RGS17: variants seen among roughly 807,000 people sequenced by gnomAD.
RGS17 encodes the protein regulator of G protein signaling 17.
A neutral mutation model predicts 25.5 loss-of-function variants in RGS17; 12 were observed. The ratio of observed to expected loss-of-function variants is 0.47; its 90% CI spans 0.30 to 0.76. The LOEUF is 0.76. Among genes scored for constraint, RGS17 ranks in the 30% least tolerant of loss-of-function variants. The pLI is 0.07. For synonymous variants in RGS17, 71 were observed against 76.9 expected (o/e 0.92, Z 0.40); for missense variants, 196 against 242.2 (o/e 0.81, Z 1.27).
chr6:153,118,481 C>T (rs551358699), intron 1 of RGS17, among the ~76,000 whole-genome samples: 33 of 152,274 alleles, frequency 2.2e-4, no homozygotes, highest in Non-Finnish European at 3.4e-4. Flanking sequence ...TGTTTTCCTT[C>T]GTTAACCAAT....
At chr6:153,029,684 G>A (rs920399131) in intron 2 of RGS17, among the ~76,000 whole-genome samples, 3 of 151,518 alleles carry the variant, frequency 2.0e-5, no homozygotes, top group Non-Finnish European at 2.9e-5. Context: ...TCCGCCTCCC[G>A]GGTTCAAGTG....
At position 153,006,295 on chromosome 6, in the gene RGS17, A is replaced by T. The variant is rs1463767473; in HGVS notation, c.*5279T>A. The T allele has an allele frequency of 7.2e-5, 11 of 152,422 alleles. No individual in the cohort carries two copies. Among genetic ancestry groups the T allele is most frequent in the African/African-American group, 2.7e-4 (11 of 41,436 alleles). 9.4% of individuals were successfully genotyped at this position (152,422 alleles called of 1,614,324 possible). On this transcript the variant is annotated 3_prime_UTR_variant, in exon 5 of 5. Coordinates refer to ENST00000206262, the MANE Select transcript of RGS17 (RefSeq NM_012419.5). Reference sequence around the variant, plus strand: ...CTATAACTCATTTATATATTTAGCAAGTAATTTGATATTATTTCTGTCCTT... The same window carrying T: ...CTATAACTCATTTATATATTTAGCATGTAATTTGATATTATTTCTGTCCTT...
chr6:153,024,211 C>CG, intron 4 of RGS17, 51 bp downstream of exon 4: 1 of 1,255,684 alleles, frequency 8.0e-7, no homozygotes, highest in Non-Finnish European at 1.1e-6. Flanking sequence ...CATCCCTTGA[C>CG]GGTTATCCTT....
chr6:153,121,736 T>C (rs887557201), intron 1 of RGS17, among the ~76,000 whole-genome samples: 6 of 152,212 alleles, frequency 3.9e-5, no homozygotes, highest in Non-Finnish European at 5.9e-5. Flanking sequence ...CTCGAAATAG[T>C]TGCATTTAGA....
intron 1 of RGS17, among the ~76,000 whole-genome samples, chr6:153,084,520 C>T (rs1290648034): frequency 6.6e-6 from 1 of 152,024 alleles, no homozygotes; most frequent in African/African-American, 2.4e-5. Context: ...AGCCACTTGG[C>T]TTAAATGACT....
chr6:153,010,679 TA>T lies in RGS17; in HGVS notation c.*894del, dbSNP rs1355058004. On this transcript the variant is annotated 3_prime_UTR_variant, in exon 5 of 5. Coordinates refer to ENST00000206262, the MANE Select transcript of RGS17 (RefSeq NM_012419.5). ...AAAACTAAGTTATCAAGCTTATTATTATTTTTTTCTTGCTGAAGTACATAAC... is the reference window on the plus strand; with the variant it reads ...AAAACTAAGTTATCAAGCTTATTATTTTTTTTTCTTGCTGAAGTACATAAC... The T allele has an allele frequency of 4.6e-5, 7 of 152,068 alleles. No individual in the cohort carries two copies. The highest frequency in any genetic ancestry group is 7.2e-5 in the African/African-American group (3 of 41,456). The allele number at this position is 152,068 out of a possible 1,614,324, so 9.4% of individuals were successfully genotyped here.
chr6:153,024,330 T>G lies in RGS17; in HGVS notation c.376A>C (p.Lys126Gln). ...ACEDLKKEQN[K>Q]KVIEEKARMI... ...CTAGCCTTTTCTTCAATTACTTTTTTGTTCTGCTCCTTCTTTAAGTCTTCA... is the reference window on the plus strand; with the variant it reads ...CTAGCCTTTTCTTCAATTACTTTTTGGTTCTGCTCCTTCTTTAAGTCTTCA... Residue 126 changes from lysine to glutamine, a missense_variant, in exon 4 of 5, where the codon AAA (lysine) becomes CAA (glutamine). This residue lies in a region of RGS17 where 179 missense variants were observed against 197.6 expected (regional missense o/e 0.91). Coordinates refer to ENST00000206262, the MANE Select transcript of RGS17 (RefSeq NM_012419.5). The G allele has an allele frequency of 6.2e-7, 1 of 1,614,112 alleles. No individual in the cohort carries two copies.
chr6:153,053,944 A>T lies in RGS17; in HGVS notation c.-25-9901T>A, dbSNP rs1171980447. Reference sequence around the variant, plus strand: ...ATATATGTATATATATGTATATATAATATATATACATATATATTATATACA... The same window carrying T: ...ATATATGTATATATATGTATATATATTATATATACATATATATTATATACA... On this transcript the variant is annotated intron_variant, in intron 1 of 4. Coordinates refer to ENST00000206262, the MANE Select transcript of RGS17 (RefSeq NM_012419.5). Among the ~76,000 whole-genome samples the T allele has an allele frequency of 3.4e-3, 126 of 37,442 alleles. 13 individuals are homozygous for T. Among genetic ancestry groups the T allele is most frequent in the East Asian group, 6.8e-3 (6 of 884 alleles). 24.6% of individuals were successfully genotyped at this position (37,442 alleles called of 152,430 possible).
intron 1 of RGS17, among the ~76,000 whole-genome samples, chr6:153,067,868 A>AAG (rs1776732155): frequency 1.3e-5 from 2 of 152,196 alleles, no homozygotes; most frequent in Admixed American, 1.3e-4. Flanking sequence ...CCTGAGCAAA[A>AAG]AGAAAAACTG....
Position 153,010,145 on chromosome 6 carries a change from A to G in RGS17, c.*1429T>C, listed in dbSNP as rs1248680974. The G allele has an allele frequency of 2.6e-5, 4 of 151,936 alleles. No individual in the cohort carries two copies. Among genetic ancestry groups the G allele is most frequent in the African/African-American group, 9.7e-5 (4 of 41,428 alleles). 9.4% of individuals were successfully genotyped at this position (151,936 alleles called of 1,614,324 possible). A position where few individuals can be genotyped will look rare whatever the true frequency, so the allele number is the denominator to read the frequency against. ...CTTTTTAAAACTTTCATTTTAGGTT[A>G]CTCAGTATTATATTCATTCAGTTTA... On this transcript the variant is annotated 3_prime_UTR_variant, in exon 5 of 5. Coordinates refer to ENST00000206262, the MANE Select transcript of RGS17 (RefSeq NM_012419.5).
At position 153,013,468 on chromosome 6, in the gene RGS17, G is replaced by T. The variant is rs1289870791; in HGVS notation, c.445-1706C>A. On this transcript the variant is annotated intron_variant, in intron 4 of 4. Transcript: ENST00000206262. ...TAGGCCAGTTAATAACCCGCCAGTG[G>T]CCTCTAAGTGTTTAAGTGAAAGGAA... 3.3e-5 allele frequency among the ~76,000 whole-genome samples: 5 copies of T among 152,044 alleles called. No individual in the cohort carries two copies. In the East Asian group the frequency reaches 9.6e-4, roughly 29 times the overall value.
At chr6:153,122,058 T>C (rs528161801) in intron 1 of RGS17, among the ~76,000 whole-genome samples, 1 of 152,324 alleles carries the variant, frequency 6.6e-6, no homozygotes, top group African/African-American at 2.4e-5. Context: ...TTGAATGATA[T>C]TATACTTTAA....
At chr6:153,072,030 T>A (rs892626671) in intron 1 of RGS17, among the ~76,000 whole-genome samples, 1 of 152,144 alleles carries the variant, frequency 6.6e-6, no homozygotes, top group Non-Finnish European at 1.5e-5. Flanking sequence ...AGTCTCCTTA[T>A]TTTTATACTT....
intron 2 of RGS17, among the ~76,000 whole-genome samples, chr6:153,041,007 A>AT (rs1776315107): frequency 6.6e-6 from 1 of 150,908 alleles, no homozygotes; most frequent in African/African-American, 2.4e-5. Flanking sequence ...AAAAAAAAAA[A>AT]AAAAAAAATT....
intron 1 of RGS17, among the ~76,000 whole-genome samples, chr6:153,075,210 A>G (rs1224982017): frequency 6.6e-6 from 1 of 152,218 alleles, no homozygotes; most frequent in African/African-American, 2.4e-5. Flanking sequence ...AATCCTAGCA[A>G]CTTGATAAAG....
chr6:153,020,981 A>G (rs1779242587), intron 4 of RGS17, among the ~76,000 whole-genome samples: 2 of 152,222 alleles, frequency 1.3e-5, no homozygotes, highest in South Asian at 4.1e-4. Flanking sequence ...AGTAGCACAA[A>G]TACTCTGAAT....
chr6:153,042,259 T>A (rs1180200015), intron 2 of RGS17, among the ~76,000 whole-genome samples: 1 of 152,214 alleles, frequency 6.6e-6, no homozygotes, highest in African/African-American at 2.4e-5. Flanking sequence ...AAACAAATTA[T>A]GTATATGATA....
rs1488959853 is a variant in RGS17 at position 153,011,625 on chromosome 6, T to C, written c.582A>G (p.Gln194=). 1 of 1,612,006 alleles carries C rather than the reference T, an allele frequency of 6.2e-7. No individual in the cohort carries two copies. Among genetic ancestry groups the C allele is most frequent in the East Asian group, 2.2e-5 (1 of 44,796 alleles). Residue 194 remains glutamine, a synonymous_variant, in exon 5 of 5, where the codon CAA becomes CAG. Transcript: ENST00000206262. ...RDSFPRFLNS[Q]IYKSFVESTA... ...TACTTTCAACAAATGACTTATAAAT[T>C]TGAGAGTTCAAAAACCTTGGAAAAG...
In RGS17 at chr6:153,094,365, A is replaced by G. The variant is rs544026870; in HGVS notation, c.-26+36759T>C. Among the ~76,000 whole-genome samples, 6 of 152,234 alleles carry G rather than the reference A, an allele frequency of 3.9e-5. No homozygotes were observed. The South Asian group carries it at 1.2e-3, about 32-fold the overall frequency. On this transcript the variant is annotated intron_variant, in intron 1 of 4. Transcript: ENST00000206262. ...AAGTGCAAGGATTACAGGCGTGAGC[A>G]TTGTGCTCAGTGGCCTACTGAACTC... is the stretch of plus-strand genomic sequence containing the variant.
Sources: gnomAD v4.1 joint callset for allele counts (sites outside exome capture counted in the v4.1 genomes callset) on GRCh38, gnomAD v4.1.1 for gene constraint, gnomAD v4.1.1 regional missense constraint, MANE v1.5 for transcripts, NCBI Gene and HGNC (gene_info 2026-07-23, HGNC 2026-07-21) for gene names.